MRRF: variants seen among roughly 807,000 people sequenced by gnomAD.
MRRF encodes the protein mitochondrial ribosome recycling factor, also known as ribosome-recycling factor, mitochondrial.
A neutral mutation model predicts 25.1 loss-of-function variants in MRRF; 18 were observed. The observed-to-expected ratio is 0.72, with a 90% CI of 0.50 to 1.06. MRRF has a LOEUF of 1.06. Ranked by LOEUF, MRRF falls within the 50% of genes least tolerant of loss-of-function variation. The pLI is 0.00. For synonymous variants in MRRF, 113 were observed against 112.1 expected (o/e 1.01, Z -0.05); for missense variants, 323 against 319.3 (o/e 1.01, Z -0.09).
At chr9:122,322,497 T>G in intron 6 of MRRF, 43 bp from the exon 7 acceptor site, 1 of 1,562,404 alleles carries the variant, frequency 6.4e-7, no homozygotes, top group Non-Finnish European at 8.8e-7. Context: ...CCTACCCTTT[T>G]CCAGCCCCAT....
In MRRF at chr9:122,331,317, A is replaced by G. The variant is rs1836276640; in HGVS notation, c.*8700A>G. The G allele has an allele frequency of 2.0e-5, 3 of 152,216 alleles. No individual in the cohort carries two copies. The highest frequency in any genetic ancestry group is 6.5e-5 in the Admixed American group (1 of 15,284). The allele number at this position is 152,216 out of a possible 1,614,324, so 9.4% of individuals were successfully genotyped here. On this transcript the variant is annotated 3_prime_UTR_variant, in exon 7 of 7. Transcript: ENST00000344641. The stretch of plus-strand genomic sequence containing the variant: ...CTTTCTCTTTTGTTTTTGGCATTAA[A>G]ATATCCTTTCTATTATAAAATGATA...
At chr9:122,287,909 C>T (rs1405932582) in intron 4 of MRRF, among the ~76,000 whole-genome samples, 1 of 152,182 alleles carries the variant, frequency 6.6e-6, no homozygotes, top group Non-Finnish European at 1.5e-5. Flanking sequence ...AGCTTCGAAG[C>T]TGACCGTAGA....
chr9:122,303,650 G>A lies in MRRF; in HGVS notation c.552-9577G>A, dbSNP rs572335860. ...ACCTCAGCTTCCGAAAGTTGTGTAC[G>A]TATTTTCATGGTGATCGCATTGTTC... On this transcript the variant is annotated intron_variant, in intron 5 of 6. Coordinates refer to ENST00000344641, the MANE Select transcript of MRRF (RefSeq NM_138777.5). 9.2e-5 allele frequency among the ~76,000 whole-genome samples: 14 copies of A among 152,260 alleles called. No individual in the cohort carries two copies. In the South Asian group the frequency reaches 2.5e-3, roughly 27 times the overall value.
At chr9:122,279,681 G>A (rs573509661) in intron 2 of MRRF, among the ~76,000 whole-genome samples, 1 of 152,120 alleles carries the variant, frequency 6.6e-6, no homozygotes, top group African/African-American at 2.4e-5. Flanking sequence ...GACATAAAAT[G>A]AAATTATATT....
At chr9:122,306,167 T>C (rs1834832406) in intron 5 of MRRF, among the ~76,000 whole-genome samples, 1 of 152,104 alleles carries the variant, frequency 6.6e-6, no homozygotes, top group South Asian at 2.1e-4. Context: ...TTAATAATAT[T>C]ATTGATAACT....
intron 6 of MRRF, 49 bp from the exon 7 acceptor site, chr9:122,322,491 C>G: frequency 6.6e-7 from 1 of 1,523,192 alleles, no homozygotes; most frequent in Non-Finnish European, 9.1e-7. Flanking sequence ...CATCCCCCTA[C>G]CCTTTTCCAG....
intron 5 of MRRF, 28 bp from the exon 6 acceptor site, chr9:122,313,199 T>C: frequency 1.2e-6 from 2 of 1,610,966 alleles, no homozygotes; most frequent in Non-Finnish European, 1.7e-6. Flanking sequence ...TAGAATGATT[T>C]TGTTGAATGT....
intron 6 of MRRF, among the ~76,000 whole-genome samples, chr9:122,319,150 T>TCTTTC (rs200418956): frequency 1.4e-5 from 2 of 139,918 alleles, no homozygotes; most frequent in African/African-American, 5.6e-5. Flanking sequence ...TTTCTTTCTT[T>TCTTTC]TTTTTTTTTT....
At chr9:122,274,415 G>T (rs1211107781) in intron 2 of MRRF, among the ~76,000 whole-genome samples, 1 of 152,138 alleles carries the variant, frequency 6.6e-6, no homozygotes, top group Admixed American at 6.6e-5. Context: ...CCAGGACTTT[G>T]GGAGGCCAAG....
In MRRF at chr9:122,328,938, T is replaced by C. The variant is rs895366804; in HGVS notation, c.*6321T>C. ...TCCTGGGTTCAAGTGATCCTGGAACTGCAGATATGCACAGCTGTGCCCGAA... is the reference window on the plus strand; with the variant it reads ...TCCTGGGTTCAAGTGATCCTGGAACCGCAGATATGCACAGCTGTGCCCGAA... On this transcript the variant is annotated 3_prime_UTR_variant, in exon 7 of 7. Coordinates refer to ENST00000344641, the MANE Select transcript of MRRF (RefSeq NM_138777.5). The C allele has an allele frequency of 3.9e-5, 6 of 152,140 alleles. No homozygotes were observed. The highest frequency in any genetic ancestry group is 1.4e-4 in the African/African-American group (6 of 41,404). The allele number at this position is 152,140 out of a possible 1,614,324, so 9.4% of individuals were successfully genotyped here. A position where few individuals can be genotyped will look rare whatever the true frequency, so the allele number is the denominator to read the frequency against.
intron 2 of MRRF, among the ~76,000 whole-genome samples, chr9:122,274,260 A>C (rs1384304008): frequency 6.6e-6 from 1 of 152,248 alleles, no homozygotes; most frequent in African/African-American, 2.4e-5. Flanking sequence ...GAGCTATAGT[A>C]ACCAAAACAG....
rs560742109 is a variant in MRRF at position 122,326,277 on chromosome 9, T to A, written c.*3660T>A. Reference sequence around the variant, plus strand: ...GCGCCCGCCACCACACCCAGCTAATTTTTTATTTTTTTTTAGTAGAGATGG... The same window carrying A: ...GCGCCCGCCACCACACCCAGCTAATATTTTATTTTTTTTTAGTAGAGATGG... On this transcript the variant is annotated 3_prime_UTR_variant, in exon 7 of 7. Coordinates refer to ENST00000344641, the MANE Select transcript of MRRF (RefSeq NM_138777.5). 2 of 151,676 alleles carry A rather than the reference T, an allele frequency of 1.3e-5. No homozygotes were observed. Among genetic ancestry groups the A allele is most frequent in the Non-Finnish European group, 2.9e-5 (2 of 67,948 alleles). 9.4% of individuals were successfully genotyped at this position (151,676 alleles called of 1,614,324 possible).
intron 5 of MRRF, among the ~76,000 whole-genome samples, chr9:122,305,240 A>G (rs1381856331): frequency 1.3e-5 from 2 of 151,776 alleles, no homozygotes; most frequent in Non-Finnish European, 2.9e-5. Flanking sequence ...GCGAAACCCC[A>G]TCTCTACTAA....
At chr9:122,291,243 C>T (rs1833741809) in intron 4 of MRRF, among the ~76,000 whole-genome samples, 1 of 152,216 alleles carries the variant, frequency 6.6e-6, no homozygotes, top group African/African-American at 2.4e-5. Context: ...GAGCATATAC[C>T]AGCAGAGATT....
chr9:122,285,005 G>T (rs982304028), intron 3 of MRRF, among the ~76,000 whole-genome samples, 164 bp from the exon 4 acceptor site: 1 of 152,140 alleles, frequency 6.6e-6, no homozygotes, highest in African/African-American at 2.4e-5. Context: ...TGCGCAGGTT[G>T]GTCTCAAACT....
chr9:122,299,632 T>C (rs1834319239), intron 5 of MRRF, among the ~76,000 whole-genome samples: 1 of 152,102 alleles, frequency 6.6e-6, no homozygotes, highest in Non-Finnish European at 1.5e-5. Flanking sequence ...GTTTGGGGAC[T>C]AAGCCTTGGA....
chr9:122,266,558 A>G (rs1832099719), intron 1 of MRRF, among the ~76,000 whole-genome samples: 1 of 152,232 alleles, frequency 6.6e-6, no homozygotes, highest in African/African-American at 2.4e-5. Context: ...TATGAGAACC[A>G]GTTAAGATGG....
chr9:122,270,708 G>A (rs1832392374), intron 1 of MRRF, 156 bp from the exon 2 acceptor site: 5 of 639,828 alleles, frequency 7.8e-6, no homozygotes, highest in South Asian at 5.2e-5. Flanking sequence ...TTCTTCTAGG[G>A]CTGTTGGGAA....
At chr9:122,308,488 C>T (rs562058980) in intron 5 of MRRF, among the ~76,000 whole-genome samples, 1 of 149,650 alleles carries the variant, frequency 6.7e-6, no homozygotes, top group Non-Finnish European at 1.5e-5. Context: ...CACTTAAGAT[C>T]AGGAGTTCGT....
Sources: allele counts gnomAD v4.1 joint callset (sites outside exome capture counted in the v4.1 genomes callset), GRCh38; gene constraint gnomAD v4.1.1; transcripts MANE v1.5; gene names NCBI Gene and HGNC (gene_info 2026-07-23, HGNC 2026-07-21).